Variants in MORC4 observed in about 807,000 individuals in gnomAD.
MORC4 encodes the protein MORC family CW-type zinc finger 4.
Under a neutral mutation model 65.5 loss-of-function variants are expected in MORC4, and 22 were observed. The observed-to-expected ratio is 0.34, with a 90% CI of 0.24 to 0.48. MORC4 has a LOEUF of 0.48. Among genes scored for constraint, MORC4 ranks in the 20% least tolerant of loss-of-function variants. The pLI, the probability that MORC4 is intolerant of heterozygous loss-of-function variation, is 0.99. For missense variants in MORC4, 624 were observed against 703.0 expected, an observed-to-expected ratio of 0.89 and a Z score of 1.27; for synonymous variants, 267 against 255.8, an observed-to-expected ratio of 1.04 and a Z score of -0.42.
Position 106,962,061 on chromosome X carries a change from TTTC to T in MORC4, c.1204_1206del (p.Glu402del). On this transcript the variant is annotated inframe_deletion, in exon 10 of 17. Coordinates refer to ENST00000355610, the MANE Select transcript of MORC4 (RefSeq NM_024657.5). ...GTCTCAAAATTATCTTGAGATGTTT[TTTC>T]CTTCCAGTAAGCATTGAGCTTCTGG... 8.3e-7 allele frequency: 1 copy of T among 1,210,937 alleles called. No homozygotes were observed. The highest frequency in any genetic ancestry group is 1.8e-5 in the South Asian group (1 of 56,963).
intron 9 of MORC4, among the ~76,000 whole-genome samples, chrX:106,966,607 T>G (rs1354321179): frequency 8.8e-6 from 1 of 113,025 alleles, no homozygotes; most frequent in Non-Finnish European, 1.9e-5. Context: ...CCTCGGTCTT[T>G]GCAACCAGCA....
chrX:106,976,774 A>G (rs1260446710), intron 8 of MORC4, 90 bp from the exon 9 acceptor site: 3 of 608,574 alleles, frequency 4.9e-6, no homozygotes, highest in Non-Finnish European at 8.0e-6. Context: ...TAGAAAGGTT[A>G]CATAACCTTC....
intron 3 of MORC4, among the ~76,000 whole-genome samples, chrX:106,991,046 T>C (rs779119210): frequency 9.0e-6 from 1 of 111,721 alleles, no homozygotes; most frequent in African/African-American, 3.3e-5. Flanking sequence ...AAATCAGTGG[T>C]AAACATATTT....
intron 14 of MORC4, among the ~76,000 whole-genome samples, chrX:106,949,863 A>G (rs1431317599): frequency 1.8e-5 from 2 of 111,947 alleles, no homozygotes; most frequent in Non-Finnish European, 3.8e-5. Context: ...TCCCTCTTCA[A>G]TCACCCTGGA....
intron 9 of MORC4, among the ~76,000 whole-genome samples, chrX:106,974,453 T>A (rs1934582377): frequency 9.0e-6 from 1 of 111,663 alleles, no homozygotes; most frequent in African/African-American, 3.3e-5. Context: ...ATCCTAGAAT[T>A]CCCTTTCCTC....
chrX:106,985,703 C>T (rs753078126), intron 4 of MORC4, among the ~76,000 whole-genome samples: 2 of 110,152 alleles, frequency 1.8e-5, no homozygotes, highest in Non-Finnish European at 1.9e-5. Flanking sequence ...GGAAGGCCTT[C>T]GGAGCTTTAC....
chrX:106,996,182 CT>C (rs565884580), intron 2 of MORC4, among the ~76,000 whole-genome samples: 2,479 of 85,218 alleles, frequency 0.029, 86 homozygotes, highest in African/African-American at 0.087. Flanking sequence ...TTACTAGGTA[CT>C]TTTTTTTTTT....
In MORC4 at chrX:106,978,068, T is replaced by C. The variant is rs1218439902; in HGVS notation, c.1056+12A>G. The C allele has an allele frequency of 2.5e-6, 3 of 1,205,797 alleles. No individual in the cohort carries two copies. Among genetic ancestry groups the C allele is most frequent in the East Asian group, 5.9e-5 (2 of 33,628 alleles). ...TTCAGCCTCCTATGACAAAGAAATA[T>C]TAACTACTCACCTTCACCTGGCACC... On this transcript the variant is annotated intron_variant, in intron 8 of 16. Coordinates refer to ENST00000355610, the MANE Select transcript of MORC4 (RefSeq NM_024657.5).
In MORC4 at chrX:106,978,186, C is replaced by G. The variant is rs764018747; in HGVS notation, c.950G>C (p.Arg317Thr). The part of the protein sequence containing the change: ...YKPTFTNKQV[R>T]ITFGFSCKNS... ...CTTGCAAGAGAACCCAAAGGTGATT[C>G]TCACCTGCTTATTCTGAGAAGAACA... is the stretch of plus-strand genomic sequence containing the variant. The change falls in exon 8 of 17, where the codon AGA becomes ACA. Residue 317 changes from arginine to threonine, a missense_variant. Transcript: ENST00000355610. The G allele has an allele frequency of 1.7e-5, 21 of 1,205,798 alleles. No individual in the cohort carries two copies. The highest frequency in any genetic ancestry group is 2.4e-5 in the Non-Finnish European group (21 of 892,183).
chrX:106,958,198 G>T, intron 11 of MORC4, 138 bp downstream of exon 11: 1 of 517,353 alleles, frequency 1.9e-6, no homozygotes, highest in Non-Finnish European at 3.1e-6. Flanking sequence ...TGTAAGGCTA[G>T]ATAGGTAAGC....
rs764776033 is a variant in MORC4 at position 106,951,411 on chromosome X, TG to T, written c.1685+3501del. Among the ~76,000 whole-genome samples the T allele has an allele frequency of 3.6e-5, 4 of 111,723 alleles. No homozygotes were observed. In the East Asian group the frequency reaches 1.1e-3, roughly 31 times the overall value. ...TTTTTTTTGAGACAGGGTCTTGCTC[TG>T]TTGCCCAGACTAGAGCACAGTTGCG... On this transcript the variant is annotated intron_variant, in intron 14 of 16. Coordinates refer to ENST00000355610, the MANE Select transcript of MORC4 (RefSeq NM_024657.5).
intron 14 of MORC4, among the ~76,000 whole-genome samples, chrX:106,948,439 GTTAT>G (rs1933900699): frequency 9.0e-6 from 1 of 111,661 alleles, no homozygotes; most frequent in South Asian, 3.7e-4. Context: ...ATTGCTTTAT[GTTAT>G]TTAAATTGGT....
chrX:106,977,978 G>T, intron 8 of MORC4, 102 bp downstream of exon 8: 1 of 854,590 alleles, frequency 1.2e-6, no homozygotes, highest in Non-Finnish European at 1.7e-6. Flanking sequence ...AGCATCATAA[G>T]ATGGGAGTAA....
intron 9 of MORC4, among the ~76,000 whole-genome samples, chrX:106,964,367 G>A (rs1934323952): frequency 9.0e-6 from 1 of 111,515 alleles, no homozygotes; most frequent in South Asian, 3.7e-4. Flanking sequence ...GAAGAAAAGT[G>A]AACAAAAACT....
intron 9 of MORC4, among the ~76,000 whole-genome samples, chrX:106,974,791 C>A (rs1934589982): frequency 9.0e-6 from 1 of 110,635 alleles, no homozygotes; most frequent in Admixed American, 9.6e-5. Context: ...AGCAGACAAC[C>A]TTCTCTAATC....
Position 106,941,962 on chromosome X carries a change from G to T in MORC4, c.2636C>A (p.Thr879Asn). ...MLQKAQVSYR[T>N]PEGDDLERAL... ...CCTTTCTAGGTCATCTCCCTCTGGGGTCCGGTAGGAGACCTGAGCCTTCTG... is the reference window on the plus strand; with the variant it reads ...CCTTTCTAGGTCATCTCCCTCTGGGTTCCGGTAGGAGACCTGAGCCTTCTG... The change falls in exon 16 of 17, where the codon ACC becomes AAC. Residue 879 changes from threonine (T) to asparagine (N), a missense_variant. By Grantham distance (65) the Thr-to-Asn change is moderately conservative (BLOSUM62 0). Coordinates refer to ENST00000355610, the MANE Select transcript of MORC4 (RefSeq NM_024657.5). 8.3e-7 allele frequency: 1 copy of T among 1,210,183 alleles called. No homozygotes were observed. The highest frequency in any genetic ancestry group is 1.1e-6 in the Non-Finnish European group (1 of 894,737).
At chrX:106,982,669 A>G (rs1934775916) in intron 5 of MORC4, among the ~76,000 whole-genome samples, 1 of 111,726 alleles carries the variant, frequency 9.0e-6, no homozygotes, top group Non-Finnish European at 1.9e-5. Flanking sequence ...GCATGATCAT[A>G]GCTCACTGTC....
At chrX:106,995,382 C>G (rs1695049781) in intron 2 of MORC4, among the ~76,000 whole-genome samples, 1 of 111,933 alleles carries the variant, frequency 8.9e-6, no homozygotes, top group African/African-American at 3.2e-5. Flanking sequence ...CCCAGACGAC[C>G]TTTTTAACCT....
At chrX:106,960,041 C>T (rs1424741379) in intron 10 of MORC4, among the ~76,000 whole-genome samples, 1 of 112,164 alleles carries the variant, frequency 8.9e-6, no homozygotes, top group Non-Finnish European at 1.9e-5. Flanking sequence ...TCCCTAGCTC[C>T]AGGCTGTTCC....
Sources: allele counts gnomAD v4.1 joint callset (sites outside exome capture counted in the v4.1 genomes callset), GRCh38; gene constraint gnomAD v4.1.1; transcripts MANE v1.5; gene names NCBI Gene and HGNC (gene_info 2026-07-23, HGNC 2026-07-21).